The following MGAT4C variants were observed in gnomAD, a reference collection of about 807,000 sequenced individuals.
MGAT4C encodes MGAT4 family member C.
In MGAT4C, 19 loss-of-function variants were observed where a neutral mutation model predicts 40.1. The observed-to-expected ratio is 0.47, with a 90% CI of 0.33 to 0.70. MGAT4C has a LOEUF of 0.70. Ranked by LOEUF, MGAT4C falls within the 30% of genes least tolerant of loss-of-function variation. The pLI, the probability that MGAT4C is intolerant of heterozygous loss-of-function variation, is 0.02. For synonymous variants in MGAT4C, 181 were observed against 187.1 expected, an observed-to-expected ratio of 0.97 and a Z score of 0.27; for missense variants, 491 against 563.2, an observed-to-expected ratio of 0.87 and a Z score of 1.30.
chr12:86,670,166 A>G (rs551361263), intron 2 of MGAT4C, among the ~76,000 whole-genome samples: 2 of 152,330 alleles, frequency 1.3e-5, no homozygotes, highest in African/African-American at 2.4e-5. Flanking sequence ...GTGTAGTGAC[A>G]TCACCAAAGG....
At chr12:86,527,677 G>A (rs1958909513) in intron 2 of MGAT4C, among the ~76,000 whole-genome samples, 2 of 152,028 alleles carry the variant, frequency 1.3e-5, no homozygotes, top group African/African-American at 4.8e-5. Flanking sequence ...TCTTTCATCA[G>A]AGTTGTCTAG....
intron 3 of MGAT4C, among the ~76,000 whole-genome samples, chr12:86,419,671 T>A (rs1956784667): frequency 1.3e-5 from 2 of 152,160 alleles, no homozygotes; most frequent in South Asian, 4.1e-4. Flanking sequence ...GGTACTCAAG[T>A]GGAGATGAAT....
chr12:86,224,804 G>C (rs1023555674), intron 1 of MGAT4C, among the ~76,000 whole-genome samples: 5 of 152,158 alleles, frequency 3.3e-5, no homozygotes, highest in Non-Finnish European at 5.9e-5. Flanking sequence ...TAAGAGGAAA[G>C]TGTATAGCAA....
At chr12:86,128,820 G>A (rs900048612) in intron 1 of MGAT4C, among the ~76,000 whole-genome samples, 3 of 152,060 alleles carry the variant, frequency 2.0e-5, no homozygotes, top group African/African-American at 7.2e-5. Flanking sequence ...TTAGGTTTAA[G>A]CCCTTAATCC....
chr12:86,366,165 G>A (rs542860940), intron 3 of MGAT4C, among the ~76,000 whole-genome samples: 3 of 152,232 alleles, frequency 2.0e-5, no homozygotes, highest in African/African-American at 7.2e-5. Flanking sequence ...TTGTAAATGG[G>A]ATTGTGTTCT....
rs374595389 is a variant in MGAT4C at position 86,641,201 on chromosome 12, G to A, written c.-229+86008C>T. Among the ~76,000 whole-genome samples the A allele has an allele frequency of 8.7e-3, 1,325 of 151,946 alleles. 8 individuals carry two copies. Among genetic ancestry groups the A allele is most frequent in the Middle Eastern group, 0.017 (5 of 294 alleles). On this transcript the variant is annotated intron_variant, in intron 2 of 7. Coordinates refer to the MGAT4C transcript ENST00000548651. ...ATACTATGCAGCCATAAAAAATGAT[G>A]AGTTCATGTCCTTTGTAGGGACATG...
chr12:86,178,243 C>T (rs1251686633), intron 1 of MGAT4C, among the ~76,000 whole-genome samples: 3 of 152,088 alleles, frequency 2.0e-5, no homozygotes, highest in African/African-American at 7.2e-5. Flanking sequence ...GCTGATTTTA[C>T]TTATTATTGA....
chr12:86,120,432 G>A (rs890179808), intron 1 of MGAT4C, among the ~76,000 whole-genome samples: 3 of 152,090 alleles, frequency 2.0e-5, no homozygotes, highest in African/African-American at 7.2e-5. Flanking sequence ...AGAACGGACA[G>A]ACTGCCTCCT....
chr12:86,322,565 A>C (rs2136163897), intron 4 of MGAT4C, among the ~76,000 whole-genome samples: 1 of 152,084 alleles, frequency 6.6e-6, no homozygotes, highest in African/African-American at 2.4e-5. Context: ...GAAAAAAATG[A>C]ATTTAGAGGT....
Position 86,832,044 on chromosome 12 carries a change from CA to C in MGAT4C, c.-262+6621del, listed in dbSNP as rs566356898. On this transcript the variant is annotated intron_variant, in intron 1 of 7. Coordinates refer to the MGAT4C transcript ENST00000548651. ...GGCCTACTTTTCAAGGATGTTCTAA[CA>C]AATTCAAATTTGGCAATAAAATATA... Among the ~76,000 whole-genome samples, 42 of 151,896 alleles carry C rather than the reference CA, an allele frequency of 2.8e-4. 1 individual carries two copies. The highest frequency in any genetic ancestry group is 1.2e-3 in the Admixed American group (18 of 15,190).
intron 2 of MGAT4C, among the ~76,000 whole-genome samples, chr12:86,505,446 TCAGGCCCACCTAAAATTCTATACATA>T (rs1958455715): frequency 6.6e-6 from 1 of 152,148 alleles, no homozygotes; most frequent in Non-Finnish European, 1.5e-5. Context: ...AGGCCAGAAG[TCAGGCCCACCTAAAATTCTATACATA>T]CATAAACCAG....
chr12:86,209,370 T>TCAAAGC (rs1208167653), intron 1 of MGAT4C, among the ~76,000 whole-genome samples: 1 of 152,090 alleles, frequency 6.6e-6, no homozygotes, highest in Non-Finnish European at 1.5e-5. Flanking sequence ...AGTAATACCT[T>TCAAAGC]CAAAGCCATA....
At chr12:86,771,527 T>C (rs1481574609) in intron 1 of MGAT4C, among the ~76,000 whole-genome samples, 2 of 152,014 alleles carry the variant, frequency 1.3e-5, no homozygotes, top group Non-Finnish European at 2.9e-5. Flanking sequence ...TCTATCCTCT[T>C]AAAAAATATA....
At chr12:86,086,087 A>G (rs1239017714) in intron 1 of MGAT4C, among the ~76,000 whole-genome samples, 1 of 152,196 alleles carries the variant, frequency 6.6e-6, no homozygotes, top group Non-Finnish European at 1.5e-5. Flanking sequence ...AGACGCATGT[A>G]CAAGTATGTT....
In MGAT4C at chr12:86,063,952, G is replaced by C. The variant is rs145644636; in HGVS notation, c.-56-14229C>G. On this transcript the variant is annotated intron_variant, in intron 1 of 4. Coordinates refer to ENST00000611864, the MANE Select transcript of MGAT4C (RefSeq NM_001351288.2). The stretch of plus-strand genomic sequence containing the variant: ...TTAGACTCCCACACAATAATAGTGG[G>C]ATACTTTAACACCCCACCATCAATA... 2.7e-3 allele frequency among the ~76,000 whole-genome samples: 404 copies of C among 152,258 alleles called. 3 individuals carry two copies. Among genetic ancestry groups the C allele is most frequent in the Middle Eastern group, 0.01 (3 of 294 alleles).
intron 3 of MGAT4C, among the ~76,000 whole-genome samples, chr12:86,376,818 CAG>C (rs34852259): frequency 0.74 from 92,436 of 124,818 alleles, 33,894 homozygotes; most frequent in East Asian, 0.9. Context: ...GAGAGAGAGA[CAG>C]AGAGAGAGAG....
intron 4 of MGAT4C, among the ~76,000 whole-genome samples, chr12:86,317,765 TTAA>T (rs1354198006): frequency 1.3e-5 from 2 of 151,864 alleles, no homozygotes; most frequent in East Asian, 3.9e-4. Context: ...AAGAAGTGAA[TTAA>T]TAAGATATTT....
At chr12:86,390,650 T>C (rs1565726676) in intron 3 of MGAT4C, among the ~76,000 whole-genome samples, 2 of 152,120 alleles carry the variant, frequency 1.3e-5, no homozygotes, top group Non-Finnish European at 2.9e-5. Flanking sequence ...GCCAGTTTCA[T>C]CCCAAAATTT....
At chr12:86,785,286 T>C (rs893484459) in intron 1 of MGAT4C, among the ~76,000 whole-genome samples, 1 of 152,052 alleles carries the variant, frequency 6.6e-6, no homozygotes, top group Non-Finnish European at 1.5e-5. Context: ...CACCGAAATA[T>C]CTATTCTTTA....
Sources: gnomAD v4.1 joint callset for allele counts (sites outside exome capture counted in the v4.1 genomes callset) on GRCh38, gnomAD v4.1.1 for gene constraint, MANE v1.5 for transcripts, NCBI Gene and HGNC (gene_info 2026-07-23, HGNC 2026-07-21) for gene names.